CNTNAP2: variants seen among roughly 807,000 people sequenced by gnomAD.
CNTNAP2 encodes the protein contactin-associated protein-like 2.
In CNTNAP2, 98 loss-of-function variants were observed where a neutral mutation model predicts 155.2. The ratio of observed to expected loss-of-function variants is 0.63; its 90% confidence interval spans 0.54 to 0.75. CNTNAP2 has a LOEUF of 0.75. Ranked by LOEUF, CNTNAP2 falls within the 30% of genes least tolerant of loss-of-function variation. The probability of loss-of-function intolerance (pLI) is 0.00; values close to 1 mark genes in which losing one functional copy is unlikely to be tolerated. For missense variants in CNTNAP2, 1,727 were observed against 1,688.1 expected, an observed-to-expected ratio of 1.02 and a Z score of -0.40; for synonymous variants, 651 against 631.2, an observed-to-expected ratio of 1.03 and a Z score of -0.47.
chr7:146,680,722 C>T (rs1044103810), intron 1 of CNTNAP2, among the ~76,000 whole-genome samples: 15 of 152,182 alleles, frequency 9.9e-5, no homozygotes, highest in African/African-American at 3.6e-4. Context: ...ATTTCCTTTT[C>T]TGCAGTGTGC....
chr7:147,443,772 T>C (rs754060025), intron 10 of CNTNAP2, among the ~76,000 whole-genome samples: 3 of 152,226 alleles, frequency 2.0e-5, no homozygotes, highest in South Asian at 2.1e-4. Context: ...TCCTTTAATA[T>C]GCAATTTCAC....
At chr7:147,477,398 A>C (rs1245758125) in intron 10 of CNTNAP2, among the ~76,000 whole-genome samples, 9 of 152,198 alleles carry the variant, frequency 5.9e-5, no homozygotes, top group Admixed American at 4.6e-4. Context: ...TCAATTAATA[A>C]TGTAACCCCT....
intron 20 of CNTNAP2, among the ~76,000 whole-genome samples, chr7:148,247,826 G>T (rs758583091): frequency 1.8e-4 from 27 of 151,394 alleles, no homozygotes; most frequent in Non-Finnish European, 2.9e-4. Context: ...GCTAATTTTT[G>T]TATTTTTAGT....
intron 11 of CNTNAP2, among the ~76,000 whole-genome samples, chr7:147,508,927 A>G (rs1407559887): frequency 6.6e-6 from 1 of 152,344 alleles, no homozygotes; most frequent in East Asian, 1.9e-4. Context: ...TCATAGCAGT[A>G]TGAAAATGGA....
intron 12 of CNTNAP2, among the ~76,000 whole-genome samples, chr7:147,629,021 T>TAG (rs1430664073): frequency 7.2e-5 from 11 of 152,128 alleles, no homozygotes; most frequent in African/African-American, 2.7e-4. Context: ...AGATGTGAGA[T>TAG]AGATGGCAAC....
chr7:147,174,645 CTAGAAT>C (rs1270202776), intron 8 of CNTNAP2, among the ~76,000 whole-genome samples: 1 of 152,024 alleles, frequency 6.6e-6, no homozygotes, highest in Non-Finnish European at 1.5e-5. Context: ...ACGGTGCTTT[CTAGAAT>C]TTAGACTCTG....
At chr7:146,584,684 C>A (rs1798660243) in intron 1 of CNTNAP2, among the ~76,000 whole-genome samples, 2 of 152,168 alleles carry the variant, frequency 1.3e-5, no homozygotes, top group South Asian at 4.1e-4. Context: ...CAGAAGCCGG[C>A]CCTGCCCCTA....
intron 21 of CNTNAP2, among the ~76,000 whole-genome samples, chr7:148,306,779 G>A (rs533857165): frequency 2.6e-5 from 4 of 152,244 alleles, no homozygotes; most frequent in Admixed American, 1.3e-4. Flanking sequence ...GTGTGTGTGT[G>A]TGTGTGTATA....
intron 8 of CNTNAP2, among the ~76,000 whole-genome samples, chr7:147,292,553 A>G (rs529060949): frequency 6.6e-6 from 1 of 152,154 alleles, no homozygotes; most frequent in East Asian, 1.9e-4. Flanking sequence ...CATGGTATGT[A>G]TCTCCATTTG....
intron 14 of CNTNAP2, among the ~76,000 whole-genome samples, chr7:147,966,806 A>C (rs546338801): frequency 2.6e-5 from 4 of 152,264 alleles, no homozygotes; most frequent in African/African-American, 9.6e-5. Flanking sequence ...AGCCATGAGC[A>C]ACCTTTAAAG....
At position 146,629,620 on chromosome 7, in the gene CNTNAP2, C is replaced by G. The variant is rs574663763; in HGVS notation, c.98-144651C>G. Reference sequence around the variant, plus strand: ...TTGATGATTTAACATTTCCAACAACCCTGATAATCATCATCAAATATATAT... The same window carrying G: ...TTGATGATTTAACATTTCCAACAACGCTGATAATCATCATCAAATATATAT... On this transcript the variant is annotated intron_variant, in intron 1 of 23. Transcript: ENST00000361727. Among the ~76,000 whole-genome samples, 3 of 152,122 alleles carry G rather than the reference C, an allele frequency of 2.0e-5. No individual in the cohort carries two copies. The East Asian group carries it at 5.8e-4, about 29-fold the overall frequency.
At chr7:146,397,326 G>A (rs1795644694) in intron 1 of CNTNAP2, among the ~76,000 whole-genome samples, 1 of 152,190 alleles carries the variant, frequency 6.6e-6, no homozygotes, top group African/African-American at 2.4e-5. Flanking sequence ...ATTTGCTCAT[G>A]ACAGCAATGA....
At chr7:147,303,495 C>T (rs1325486168) in intron 9 of CNTNAP2, among the ~76,000 whole-genome samples, 1 of 152,174 alleles carries the variant, frequency 6.6e-6, no homozygotes, top group Non-Finnish European at 1.5e-5. Context: ...CAAATGCACA[C>T]AACTCTATAC....
intron 15 of CNTNAP2, among the ~76,000 whole-genome samples, chr7:147,980,862 C>T (rs934628420): frequency 1.5e-5 from 2 of 133,282 alleles, no homozygotes; most frequent in Non-Finnish European, 3.1e-5. Flanking sequence ...ACCTGGGAGG[C>T]GGAGCTTGCA....
chr7:148,197,037 A>G (rs940190444), intron 18 of CNTNAP2, among the ~76,000 whole-genome samples: 2 of 152,168 alleles, frequency 1.3e-5, no homozygotes, highest in Non-Finnish European at 2.9e-5. Context: ...CAGTTTATAT[A>G]CCTTTATATA....
At chr7:148,258,901 G>T (rs1796504160) in intron 20 of CNTNAP2, among the ~76,000 whole-genome samples, 1 of 151,978 alleles carries the variant, frequency 6.6e-6, no homozygotes, top group African/African-American at 2.4e-5. Flanking sequence ...CAGGCAGCCA[G>T]GCACGGTGGC....
chr7:146,794,647 A>C (rs112674577), intron 2 of CNTNAP2, among the ~76,000 whole-genome samples: 82 of 152,266 alleles, frequency 5.4e-4, no homozygotes, highest in African/African-American at 1.6e-3. Context: ...TATGTAGTGA[A>C]GCCAGGATTA....
chr7:147,862,796 T>G (rs1484535460), intron 13 of CNTNAP2, among the ~76,000 whole-genome samples: 1 of 152,170 alleles, frequency 6.6e-6, no homozygotes, highest in African/African-American at 2.4e-5. Flanking sequence ...AACCACTGAT[T>G]GTATATGATA....
At chr7:147,616,196 T>C (rs565126594) in intron 12 of CNTNAP2, among the ~76,000 whole-genome samples, 1 of 152,320 alleles carries the variant, frequency 6.6e-6, no homozygotes, top group East Asian at 1.9e-4. Context: ...CACTTCTCTG[T>C]CACCTCCACT....
Sources: allele counts gnomAD v4.1 joint callset (sites outside exome capture counted in the v4.1 genomes callset), GRCh38; gene constraint gnomAD v4.1.1; transcripts MANE v1.5; gene names NCBI Gene and HGNC (gene_info 2026-07-23, HGNC 2026-07-21).